VIT: variants seen among roughly 807,000 people sequenced by gnomAD.
VIT encodes vitrin.
In VIT, 99 loss-of-function variants were observed where a neutral mutation model predicts 78.0. That is an observed-to-expected ratio of 1.27 (90% confidence interval 1.08 to 1.50). The LOEUF (loss-of-function observed/expected upper bound fraction) is 1.50. Among genes scored for constraint, VIT ranks in the 40% most tolerant of loss-of-function variants. VIT has a pLI of 0.00. For synonymous variants in VIT, 374 were observed against 334.3 expected, an observed-to-expected ratio of 1.12 and a Z score of -1.29; for missense variants, 1,126 against 875.3, an observed-to-expected ratio of 1.29 and a Z score of -3.61.
chr2:36,734,904 C>T (rs1159662431), intron 3 of VIT, among the ~76,000 whole-genome samples: 2 of 152,148 alleles, frequency 1.3e-5, no homozygotes, highest in African/African-American at 4.8e-5. Context: ...CTGGGCACGC[C>T]TATAATCCCA....
At chr2:36,794,413 G>T (rs1273726292) in intron 12 of VIT, among the ~76,000 whole-genome samples, 1 of 152,114 alleles carries the variant, frequency 6.6e-6, no homozygotes, top group Non-Finnish European at 1.5e-5. Context: ...AAATTTAGTG[G>T]CATACCTCTT....
At chr2:36,718,479 T>C (rs1666300397) in intron 2 of VIT, among the ~76,000 whole-genome samples, 1 of 152,162 alleles carries the variant, frequency 6.6e-6, no homozygotes, top group South Asian at 2.1e-4. Context: ...GAGCTATTAA[T>C]CACCCAACCC....
At chr2:36,717,437 C>T (rs1287341020) in intron 2 of VIT, among the ~76,000 whole-genome samples, 5 of 139,908 alleles carry the variant, frequency 3.6e-5, no homozygotes, top group Admixed American at 1.5e-4. Flanking sequence ...AGGGTTTCAC[C>T]GTGTTAGCCA....
intron 9 of VIT, among the ~76,000 whole-genome samples, chr2:36,780,989 C>G (rs976357242): frequency 2.4e-4 from 36 of 151,212 alleles, no homozygotes; most frequent in African/African-American, 8.5e-4. Context: ...GAGTAAGACT[C>G]TCCTCCTCCC....
chr2:36,735,134 C>T (rs989323535), intron 3 of VIT, among the ~76,000 whole-genome samples: 19 of 151,520 alleles, frequency 1.3e-4, no homozygotes, highest in African/African-American at 4.6e-4. Flanking sequence ...GCTCTCCAGC[C>T]GGGGCAACAG....
chr2:36,745,405 T>TA (rs1668078254), intron 4 of VIT, among the ~76,000 whole-genome samples: 1 of 152,192 alleles, frequency 6.6e-6, no homozygotes, highest in African/African-American at 2.4e-5. Flanking sequence ...CTTTGGGCAG[T>TA]ATGGTCATTT....
chr2:36,756,595 C>T (rs1295210685), intron 5 of VIT, among the ~76,000 whole-genome samples: 1 of 152,178 alleles, frequency 6.6e-6, no homozygotes, highest in Non-Finnish European at 1.5e-5. Flanking sequence ...TCAACTTGAG[C>T]AATCCATGTT....
intron 2 of VIT, among the ~76,000 whole-genome samples, chr2:36,720,825 A>G (rs996748789): frequency 5.3e-5 from 8 of 152,206 alleles, no homozygotes; most frequent in African/African-American, 1.9e-4. Context: ...CCTGGCCAAC[A>G]TGGCAAAATC....
intron 12 of VIT, 109 bp from the exon 13 acceptor site, chr2:36,801,192 G>A: frequency 1.0e-6 from 1 of 987,346 alleles, no homozygotes; most frequent in Non-Finnish European, 1.6e-6. Context: ...ATAGCAGAAG[G>A]CTTTGAAGCA....
chr2:36,767,378 G>A, intron 7 of VIT, 93 bp downstream of exon 7: 1 of 1,294,942 alleles, frequency 7.7e-7, no homozygotes, highest in Non-Finnish European at 1.0e-6. Flanking sequence ...ACTGGGCTGG[G>A]TGAATGGGGA....
At chr2:36,753,222 G>A (rs969748442) in intron 4 of VIT, among the ~76,000 whole-genome samples, 1 of 152,044 alleles carries the variant, frequency 6.6e-6, no homozygotes, top group South Asian at 2.1e-4. Context: ...GGGGGGTGGG[G>A]GAGGGAGAGC....
At position 36,745,130 on chromosome 2, in the gene VIT, T is replaced by A. The variant is rs138963926; in HGVS notation, c.275+1874T>A. 1.5e-3 allele frequency among the ~76,000 whole-genome samples: 225 copies of A among 152,226 alleles called. 4 individuals carry two copies. The East Asian group carries it at 0.02, about 13-fold the overall frequency. On this transcript the variant is annotated intron_variant, in intron 4 of 15. Coordinates refer to ENST00000379242, the MANE Select transcript of VIT (RefSeq NM_053276.4). The stretch of plus-strand genomic sequence containing the variant: ...TTGTGGACAATCAGATAGTTGCAGG[T>A]GTATGGCTTTATTCCTGAGTTTTCT...
At chr2:36,703,607 CAG>C (rs1219356609) in intron 1 of VIT, among the ~76,000 whole-genome samples, 3 of 152,190 alleles carry the variant, frequency 2.0e-5, no homozygotes, top group Non-Finnish European at 2.9e-5. Context: ...GCGTGTGAGA[CAG>C]AGTTGTGAGT....
At chr2:36,713,087 T>C (rs114673456) in intron 1 of VIT, among the ~76,000 whole-genome samples, 3,021 of 152,164 alleles carry the variant, frequency 0.02, 80 homozygotes, top group African/African-American at 0.058. Flanking sequence ...ATGTCAGAAG[T>C]GATAAGTCAA....
chr2:36,752,887 A>G (rs1466059594), intron 4 of VIT, among the ~76,000 whole-genome samples: 1 of 152,248 alleles, frequency 6.6e-6, no homozygotes, highest in African/African-American at 2.4e-5. Context: ...AAATCATTCT[A>G]TTATAAAGAT....
chr2:36,724,891 A>G (rs1017222247), intron 2 of VIT, among the ~76,000 whole-genome samples: 1 of 151,738 alleles, frequency 6.6e-6, no homozygotes, highest in Non-Finnish European at 1.5e-5. Flanking sequence ...TATTTCACTT[A>G]CTCCCTCTCC....
rs1667421345 is a variant in VIT, at chr2:36,814,442, A to G, written c.*81A>G. 3 of 1,509,986 alleles carry G rather than the reference A, an allele frequency of 2.0e-6. No individual in the cohort carries two copies. Among genetic ancestry groups the G allele is most frequent in the Admixed American group, 1.8e-5 (1 of 56,094 alleles). The allele number at this position is 1,509,986 out of a possible 1,614,324, so 93.5% of individuals were successfully genotyped here. A position where few individuals can be genotyped will look rare whatever the true frequency, so the allele number is the denominator to read the frequency against. On this transcript the variant is annotated 3_prime_UTR_variant, in exon 16 of 16. Coordinates refer to ENST00000379242, the MANE Select transcript of VIT (RefSeq NM_053276.4). Reference sequence around the variant, plus strand: ...CACCCCACCGCTTAATGGGGCACGCACGGTGCATCAAGTCTTGGGCAGGGC... The same window carrying G: ...CACCCCACCGCTTAATGGGGCACGCGCGGTGCATCAAGTCTTGGGCAGGGC...
At chr2:36,728,946 A>T (rs1451547698) in intron 2 of VIT, among the ~76,000 whole-genome samples, 1 of 151,710 alleles carries the variant, frequency 6.6e-6, no homozygotes, top group African/African-American at 2.4e-5. Context: ...CCCCTCACTC[A>T]CTGACTCACC....
In VIT at chr2:36,701,263, G is replaced by T; in HGVS notation, c.-19+4290G>T. Among the ~76,000 whole-genome samples the T allele has an allele frequency of 1.3e-5, 2 of 152,180 alleles. 1 individual carries two copies. Among genetic ancestry groups the T allele is most frequent in the East Asian group, 3.9e-4 (2 of 5,194 alleles). ...CTCCTTTTTGGGTGGATGGGGAAAA[G>T]CTGACTAGGGGGAGTTAGGTGGTGC... On this transcript the variant is annotated intron_variant, in intron 1 of 15. Coordinates refer to ENST00000379242, the MANE Select transcript of VIT (RefSeq NM_053276.4).
Sources: gnomAD v4.1 joint callset for allele counts (sites outside exome capture counted in the v4.1 genomes callset) on GRCh38, gnomAD v4.1.1 for gene constraint, MANE v1.5 for transcripts, NCBI Gene and HGNC (gene_info 2026-07-23, HGNC 2026-07-21) for gene names.